ARB2A: variants seen among roughly 807,000 people sequenced by gnomAD.
The protein encoded by ARB2A is ARB2 cotranscriptional regulator A, also known as cotranscriptional regulator ARB2A.
At chr5:93,700,571 ACTATCTC>A in the ARB2A span, among the ~76,000 whole-genome samples, 1 of 152,108 alleles carries the variant, frequency 6.6e-6, no homozygotes, top group African/African-American at 2.4e-5. Context: ...TCTGAGTGTT[ACTATCTC>A]CTGCAGCAGA....
chr5:93,662,934 C>T, the ARB2A span, among the ~76,000 whole-genome samples: 3 of 152,154 alleles, frequency 2.0e-5, no homozygotes, highest in Non-Finnish European at 2.9e-5. Flanking sequence ...GGTTGTCTGA[C>T]GAGGGCTGTG....
At chr5:93,870,419 T>A in the ARB2A span, among the ~76,000 whole-genome samples, 1 of 152,232 alleles carries the variant, frequency 6.6e-6, no homozygotes, top group Non-Finnish European at 1.5e-5. Flanking sequence ...GAAATATGGT[T>A]TCTATTTTTA....
the ARB2A span, among the ~76,000 whole-genome samples, chr5:94,071,765 G>A: frequency 6.6e-6 from 1 of 151,988 alleles, no homozygotes; most frequent in East Asian, 1.9e-4. Flanking sequence ...GTGACTGGTG[G>A]GAATGTAAAA....
chr5:94,012,972 T>TCAGGCA, the ARB2A span, among the ~76,000 whole-genome samples: 1 of 152,146 alleles, frequency 6.6e-6, no homozygotes, highest in Non-Finnish European at 1.5e-5. Context: ...TGGAAAGTCT[T>TCAGGCA]CAGGCATGTG....
the ARB2A span, chr5:93,743,496 G>A: frequency 1.2e-5 from 12 of 974,120 alleles, no homozygotes; most frequent in Non-Finnish European, 1.5e-5. Context: ...GTTCATTTAA[G>A]AATAACTTTG....
the ARB2A span, among the ~76,000 whole-genome samples, chr5:94,092,326 C>T: frequency 1.3e-5 from 2 of 152,108 alleles, no homozygotes; most frequent in Non-Finnish European, 2.9e-5. Flanking sequence ...ATATTTCCCT[C>T]TGCTCTTAGG....
At chr5:94,088,375 A>T in the ARB2A span, among the ~76,000 whole-genome samples, 9 of 152,200 alleles carry the variant, frequency 5.9e-5, no homozygotes, top group African/African-American at 2.2e-4. Flanking sequence ...TCTTATAATA[A>T]AATATTTTAA....
At chr5:93,706,195 T>C in the ARB2A span, among the ~76,000 whole-genome samples, 3 of 152,224 alleles carry the variant, frequency 2.0e-5, no homozygotes, top group Non-Finnish European at 4.4e-5. Flanking sequence ...ATCTATACAA[T>C]AGAATATTAT....
At chr5:93,835,391 T>C in the ARB2A span, among the ~76,000 whole-genome samples, 5 of 152,358 alleles carry the variant, frequency 3.3e-5, no homozygotes, top group East Asian at 1.9e-4. Flanking sequence ...TTCTGAACCA[T>C]TGCCAAATTT....
the ARB2A span, among the ~76,000 whole-genome samples, chr5:93,940,277 C>T: frequency 6.6e-6 from 1 of 151,826 alleles, no homozygotes; most frequent in Non-Finnish European, 1.5e-5. Flanking sequence ...AATTGTATTC[C>T]ACCTAATTCT....
At chr5:93,923,736 G>C in the ARB2A span, among the ~76,000 whole-genome samples, 1 of 152,056 alleles carries the variant, frequency 6.6e-6, no homozygotes, top group Non-Finnish European at 1.5e-5. Context: ...TTGAGCCCAG[G>C]AGTTCAAGGT....
chr5:93,687,954 C>T, the ARB2A span, among the ~76,000 whole-genome samples: 1 of 151,294 alleles, frequency 6.6e-6, no homozygotes, highest in Non-Finnish European at 1.5e-5. Context: ...GAATGGAATT[C>T]TTTAACTTTT....
chr5:93,983,254 G>A, the ARB2A span, among the ~76,000 whole-genome samples: 1 of 146,786 alleles, frequency 6.8e-6, no homozygotes, highest in Non-Finnish European at 1.5e-5. Flanking sequence ...CCCACTAAGA[G>A]GAGTCAGAGC....
chr5:93,706,882 G>T, the ARB2A span, among the ~76,000 whole-genome samples: 1 of 150,988 alleles, frequency 6.6e-6, no homozygotes, highest in Admixed American at 6.6e-5. Context: ...AAAAAAAGTG[G>T]CCAGGATTCT....
the ARB2A span, among the ~76,000 whole-genome samples, chr5:93,762,427 G>C: frequency 6.6e-6 from 1 of 152,172 alleles, no homozygotes; most frequent in African/African-American, 2.4e-5. Flanking sequence ...TAGTCAATTC[G>C]ATCAACTGGA....
chr5:94,004,998 CAAAAAAAAAAAAA>C, the ARB2A span, among the ~76,000 whole-genome samples: 9 of 12,552 alleles, frequency 7.2e-4, no homozygotes, highest in African/African-American at 9.2e-4. Context: ...ATTTTATCAG[CAAAAAAAAAAAAA>C]AAAAAAAAAA....
the ARB2A span, among the ~76,000 whole-genome samples, chr5:94,006,862 A>C: frequency 6.6e-6 from 1 of 152,212 alleles, no homozygotes; most frequent in Admixed American, 6.5e-5. Context: ...GTATTTTATC[A>C]CTGTTTCTTC....
At chr5:94,046,989 G>A in the ARB2A span, among the ~76,000 whole-genome samples, 2 of 151,846 alleles carry the variant, frequency 1.3e-5, no homozygotes, top group East Asian at 1.9e-4. Flanking sequence ...ATCAAAACAA[G>A]TATTCCAAAC....
At chr5:93,926,380 G>A in the ARB2A span, among the ~76,000 whole-genome samples, 55 of 152,004 alleles carry the variant, frequency 3.6e-4, no homozygotes, top group Admixed American at 2.0e-4. Context: ...TGATCTGCCC[G>A]CCTCGGCCTC....
Sources: allele counts gnomAD v4.1 joint callset (sites outside exome capture counted in the v4.1 genomes callset), GRCh38; gene constraint gnomAD v4.1.1; transcripts MANE v1.5; gene names NCBI Gene and HGNC (gene_info 2026-07-23, HGNC 2026-07-21).